Variants in FAM110B observed in about 807,000 individuals in gnomAD.
The protein encoded by FAM110B is protein FAM110B.
Under a neutral mutation model 20.4 loss-of-function variants are expected in FAM110B, and 6 were observed. The ratio of observed to expected loss-of-function variants is 0.29; its 90% CI spans 0.16 to 0.58. The LOEUF (loss-of-function observed/expected upper bound fraction) is 0.58. FAM110B is among the 20% of genes least tolerant of loss of function. The pLI, the probability that FAM110B is intolerant of heterozygous loss-of-function variation, is 0.90. For synonymous variants in FAM110B, 226 were observed against 214.1 expected (o/e 1.06, Z -0.49); for missense variants, 434 against 498.2 (o/e 0.87, Z 1.23).
intron 3 of FAM110B, among the ~76,000 whole-genome samples, chr8:58,081,114 C>T (rs1052820600): frequency 3.9e-5 from 6 of 152,220 alleles, no homozygotes. Flanking sequence ...TCTTCATCAC[C>T]AAACAACCCC....
chr8:58,126,106 A>T (rs552745829), intron 3 of FAM110B, among the ~76,000 whole-genome samples: 1 of 152,230 alleles, frequency 6.6e-6, no homozygotes, highest in African/African-American at 2.4e-5. Context: ...AAACCACTAA[A>T]TCTGTTCTCC....
chr8:58,085,834 C>T (rs547657898), intron 3 of FAM110B, among the ~76,000 whole-genome samples: 3 of 152,298 alleles, frequency 2.0e-5, no homozygotes, highest in Middle Eastern at 3.4e-3. Flanking sequence ...TGGCCATTCA[C>T]ACACGGAGCT....
chr8:58,104,215 T>C (rs887784349), intron 3 of FAM110B, among the ~76,000 whole-genome samples: 3 of 152,204 alleles, frequency 2.0e-5, no homozygotes, highest in Non-Finnish European at 4.4e-5. Context: ...AGGGACACTA[T>C]AGTTCCACCT....
At chr8:58,032,535 T>C (rs1804986006) in intron 2 of FAM110B, 1 of 152,218 alleles carries the variant, frequency 6.6e-6, no homozygotes, top group African/African-American at 2.4e-5. Context: ...TTAAATGCCT[T>C]AACCCTATGA....
Position 58,146,123 on chromosome 8 carries a change from C to G in FAM110B, c.-108C>G. The stretch of plus-strand genomic sequence containing the variant: ...GGCCGCTGCTGCTGACACTCGCTCC[C>G]AGGCTGCACCCGCCGCCCTTGGCGC... On this transcript the variant is annotated 5_prime_UTR_variant, in exon 4 of 4. Transcript: ENST00000519262. The G allele has an allele frequency of 7.4e-7, 1 of 1,350,202 alleles. No homozygotes were observed. Among genetic ancestry groups the G allele is most frequent in the Non-Finnish European group, 1.0e-6 (1 of 1,002,986 alleles). The allele number at this position is 1,350,202 out of a possible 1,614,324, so 83.6% of individuals were successfully genotyped here. A position where few individuals can be genotyped will look rare whatever the true frequency, so the allele number is the denominator to read the frequency against.
chr8:58,025,944 T>C (rs569374299), intron 1 of FAM110B, among the ~76,000 whole-genome samples: 1 of 152,344 alleles, frequency 6.6e-6, no homozygotes, highest in African/African-American at 2.4e-5. Flanking sequence ...ACTTGGATTG[T>C]GCAGGAGGTC....
At chr8:58,043,768 C>T (rs1184185439) in intron 2 of FAM110B, among the ~76,000 whole-genome samples, 1 of 152,108 alleles carries the variant, frequency 6.6e-6, no homozygotes, top group Non-Finnish European at 1.5e-5. Context: ...CATGTATTAC[C>T]TCATTTAATC....
At chr8:58,102,833 C>G (rs1345479957) in intron 3 of FAM110B, among the ~76,000 whole-genome samples, 1 of 152,112 alleles carries the variant, frequency 6.6e-6, no homozygotes, top group African/African-American at 2.4e-5. Flanking sequence ...TTGTATCTCT[C>G]CTGGTACAGT....
chr8:58,028,099 A>G (rs1199372105), intron 1 of FAM110B, among the ~76,000 whole-genome samples: 1 of 152,188 alleles, frequency 6.6e-6, no homozygotes, highest in African/African-American at 2.4e-5. Context: ...ATATCCTTAT[A>G]AACACTTTAT....
At chr8:58,099,867 G>A (rs370801150) in intron 3 of FAM110B, among the ~76,000 whole-genome samples, 3 of 152,124 alleles carry the variant, frequency 2.0e-5, no homozygotes, top group African/African-American at 7.2e-5. Flanking sequence ...TGTGTTTTAT[G>A]TGCTTGATTT....
At chr8:58,005,980 T>A (rs530306613) in intron 1 of FAM110B, among the ~76,000 whole-genome samples, 3 of 151,366 alleles carry the variant, frequency 2.0e-5, no homozygotes, top group South Asian at 2.1e-4. Context: ...CTCTTTATCA[T>A]TTTTTTTTCA....
At chr8:58,091,339 C>T (rs570745814) in intron 3 of FAM110B, 1 of 152,192 alleles carries the variant, frequency 6.6e-6, no homozygotes, top group Non-Finnish European at 1.5e-5. Context: ...TCCAGCTCCT[C>T]GGGGTAGCCT....
intron 3 of FAM110B, among the ~76,000 whole-genome samples, chr8:58,083,644 C>T (rs1175423131): frequency 1.3e-5 from 2 of 152,174 alleles, no homozygotes; most frequent in Non-Finnish European, 2.9e-5. Flanking sequence ...CACTCCAGGG[C>T]CAATGAAGAA....
chr8:58,074,403 G>A (rs968781957), intron 2 of FAM110B, among the ~76,000 whole-genome samples: 6 of 152,124 alleles, frequency 3.9e-5, no homozygotes, highest in Non-Finnish European at 5.9e-5. Context: ...TGCACAGCGC[G>A]GAGAATGGCA....
chr8:58,063,881 C>CTATAAAGAAATGCCTGAGATTGGGTAGTT (rs1440328705), intron 2 of FAM110B, among the ~76,000 whole-genome samples: 1 of 152,108 alleles, frequency 6.6e-6, no homozygotes, highest in Non-Finnish European at 1.5e-5. Context: ...GCTCGCATTG[C>CTATAAAGAAATGCCTGAGATTGGGTAGTT]TATAAAGAAA....
At chr8:58,054,571 A>G (rs1805514955) in intron 2 of FAM110B, among the ~76,000 whole-genome samples, 1 of 152,254 alleles carries the variant, frequency 6.6e-6, no homozygotes, top group Non-Finnish European at 1.5e-5. Context: ...ATAGATACAC[A>G]GAAATAGGAA....
At chr8:58,102,542 A>T (rs549646841) in intron 3 of FAM110B, among the ~76,000 whole-genome samples, 1 of 152,302 alleles carries the variant, frequency 6.6e-6, no homozygotes, top group African/African-American at 2.4e-5. Context: ...TACGAAAAGG[A>T]ATTTATTTGG....
chr8:58,063,466 C>T (rs1009985197), intron 2 of FAM110B, among the ~76,000 whole-genome samples: 3 of 134,252 alleles, frequency 2.2e-5, no homozygotes, highest in Non-Finnish European at 4.6e-5. Context: ...AGTCCTCATA[C>T]ATCATTTGAA....
At position 58,146,320 on chromosome 8, in the gene FAM110B, G is replaced by T. The variant is rs1269839543; in HGVS notation, c.90G>T (p.Leu30=). ...TFTSAVPLRI[L]NKGPDYFRRQ... ...CCTCTGCTGTGCCCCTGCGCATCCTGAACAAGGGGCCAGACTACTTCCGCA... is the reference window on the plus strand; with the variant it reads ...CCTCTGCTGTGCCCCTGCGCATCCTTAACAAGGGGCCAGACTACTTCCGCA... Residue 30 remains leucine, a synonymous_variant, in exon 4 of 4, where the codon CTG becomes CTT. Coordinates refer to ENST00000519262, the MANE Select transcript of FAM110B (RefSeq NM_001377989.1). 18 of 1,613,998 alleles carry T rather than the reference G, an allele frequency of 1.1e-5. No individual in the cohort carries two copies. The highest frequency in any genetic ancestry group is 2.2e-5 in the East Asian group (1 of 44,858).
Sources: gnomAD v4.1 joint callset for allele counts (sites outside exome capture counted in the v4.1 genomes callset) on GRCh38, gnomAD v4.1.1 for gene constraint, MANE v1.5 for transcripts, NCBI Gene and HGNC (gene_info 2026-07-23, HGNC 2026-07-21) for gene names.